Variants in MGAT4B observed in about 807,000 individuals in gnomAD.
MGAT4B encodes alpha-1,3-mannosyl-glycoprotein 4-beta-N-acetylglucosaminyltransferase B.
In MGAT4B, 38 loss-of-function variants were observed where a neutral mutation model predicts 73.9. The ratio of observed to expected loss-of-function variants is 0.51; its 90% CI spans 0.40 to 0.67. The LOEUF is 0.67. Among genes scored for constraint, MGAT4B ranks in the 30% least tolerant of loss-of-function variants. MGAT4B has a pLI of 0.00. For synonymous variants in MGAT4B, 373 were observed against 313.5 expected (o/e 1.19, Z -2.01); for missense variants, 686 against 735.2 (o/e 0.93, Z 0.77).
chr5:179,798,841 A>C, intron 11 of MGAT4B, 87 bp downstream of exon 11: 1 of 1,483,008 alleles, frequency 6.7e-7, no homozygotes, highest in South Asian at 1.2e-5. Flanking sequence ...GAAACTGAAG[A>C]ACGTGAGGAT....
intron 5 of MGAT4B, 47 bp downstream of exon 5, chr5:179,800,860 G>A (rs374535821): frequency 1.9e-5 from 30 of 1,596,222 alleles, no homozygotes; most frequent in Middle Eastern, 1.7e-4. Context: ...ACAACACCCC[G>A]CACCGAGCTC....
At chr5:179,803,193 C>T in intron 1 of MGAT4B, 1 of 985,354 alleles carries the variant, frequency 1.0e-6, no homozygotes, top group Non-Finnish European at 1.2e-6. Context: ...GGTAGATCTT[C>T]CCTGAGGCAT....
At position 179,797,941 on chromosome 5, in the gene MGAT4B, C is replaced by T. The variant is rs1176290935; in HGVS notation, c.*104G>A. 1 of 1,478,496 alleles carries T rather than the reference C, an allele frequency of 6.8e-7. No homozygotes were observed. Among genetic ancestry groups the T allele is most frequent in the Non-Finnish European group, 9.2e-7 (1 of 1,083,860 alleles). 91.6% of individuals were successfully genotyped at this position (1,478,496 alleles called of 1,614,324 possible). ...GCCCAAGCCCGACGCCAGGCAGAAC[C>T]CTTTGGGCGGGGCCGTATCTGGCCC... On this transcript the variant is annotated 3_prime_UTR_variant, in exon 15 of 15. Transcript: ENST00000292591.
intron 1 of MGAT4B, chr5:179,802,189 C>T (rs1756976898): frequency 2.0e-6 from 3 of 1,491,398 alleles, no homozygotes; most frequent in Non-Finnish European, 2.7e-6. Context: ...TCTTCCAGTA[C>T]TCTCCCCCAC....
At chr5:179,803,281 T>C (rs1757023059) in intron 1 of MGAT4B, 5 of 985,260 alleles carry the variant, frequency 5.1e-6, no homozygotes, top group Non-Finnish European at 6.0e-6. Flanking sequence ...GCGGAGCCTC[T>C]GGACAGCCCC....
At chr5:179,802,091 T>G (rs1756972882) in intron 1 of MGAT4B, 122 bp from the exon 2 acceptor site, 7 of 1,571,348 alleles carry the variant, frequency 4.5e-6, no homozygotes, top group Non-Finnish European at 6.1e-6. Context: ...CATCTGTTCT[T>G]GTGCCTGCCA....
At position 179,806,563 on chromosome 5, in the gene MGAT4B, G is replaced by A. The variant is rs747689541; in HGVS notation, c.21C>T (p.Thr7=). Residue 7 remains threonine (T), a synonymous_variant, in exon 1 of 15, where the codon ACC becomes ACT. Coordinates refer to ENST00000292591, the MANE Select transcript of MGAT4B (RefSeq NM_014275.5). This position sits in a 1 kb window ranked among gnomAD's most constrained non-coding sequence, Gnocchi z 4.6. MRLRNG[T]FLTLLLFCLC... is the part of the protein sequence containing the mutation. ...GGCAGAAGAGCAGCAGCGTCAGGAA[G>A]GTGCCATTGCGGAGCCTCATCTCCT... is the stretch of plus-strand genomic sequence containing the variant. The A allele has an allele frequency of 7.3e-5, 95 of 1,304,838 alleles. No individual in the cohort carries two copies. The highest frequency in any genetic ancestry group is 9.0e-5 in the Non-Finnish European group (90 of 999,818). 80.8% of individuals were successfully genotyped at this position (1,304,838 alleles called of 1,614,324 possible).
At chr5:179,805,745 G>A (rs1238851941) in intron 1 of MGAT4B, among the ~76,000 whole-genome samples, 1 of 152,362 alleles carries the variant, frequency 6.6e-6, no homozygotes, top group Admixed American at 6.5e-5. Flanking sequence ...CCACTCTCCC[G>A]GAACCTCCAG....
Position 179,797,755 on chromosome 5 carries a change from C to T in MGAT4B, c.*290G>A. Reference sequence around the variant, plus strand: ...GTTCGCGCCAGAGACGGCGGGCGCCCAAGTAAAAGCTCTTCTAAAACGGCC... The same window carrying T: ...GTTCGCGCCAGAGACGGCGGGCGCCTAAGTAAAAGCTCTTCTAAAACGGCC... On this transcript the variant is annotated 3_prime_UTR_variant, in exon 15 of 15. Transcript: ENST00000292591. 1 of 397,128 alleles carries T rather than the reference C, an allele frequency of 2.5e-6. No homozygotes were observed. Among genetic ancestry groups the T allele is most frequent in the Non-Finnish European group, 4.5e-6 (1 of 222,468 alleles). 24.6% of individuals were successfully genotyped at this position (397,128 alleles called of 1,614,324 possible). A position where few individuals can be genotyped will look rare whatever the true frequency, so the allele number is the denominator to read the frequency against.
Position 179,801,557 on chromosome 5 carries a change from C to G in MGAT4B, c.421G>C (p.Gly141Arg), listed in dbSNP as rs1421420579. ...PAVRVGQGRTGVSVVMGIPSV... is the reference protein window; with the variant it reads ...PAVRVGQGRTRVSVVMGIPSV... ...TCCTCCCTGTCTGCGCCCATACCTC[C>G]GGTGCGGCCCTGGCCCACGCGCACC... The change falls in exon 3 of 15, where the codon GGA becomes CGA. Residue 141 changes from glycine to arginine, a missense_variant. Around this residue, in one of 2 missense-constraint regions of MGAT4B, gnomAD observed 237 missense variants for 198.5 expected, o/e 1.19. Transcript: ENST00000292591. This position sits in a 1 kb window ranked among gnomAD's most constrained non-coding sequence, Gnocchi z 4.8. The G allele has an allele frequency of 6.2e-7, 1 of 1,608,536 alleles. No individual in the cohort carries two copies. Among genetic ancestry groups the G allele is most frequent in the East Asian group, 2.2e-5 (1 of 44,674 alleles).
intron 9 of MGAT4B, 31 bp downstream of exon 9, chr5:179,799,475 G>A (rs1191153234): frequency 1.9e-6 from 3 of 1,612,892 alleles, no homozygotes; most frequent in Admixed American, 3.3e-5. Flanking sequence ...CCTTGGCCCT[G>A]CCCCTGCCAG....
Position 179,799,955 on chromosome 5 carries a change from A to T in MGAT4B, c.909T>A (p.Ile303=), listed in dbSNP as rs780451017. Residue 303 remains isoleucine (I), a splice_region_variant and synonymous_variant, in exon 8 of 15, where the codon ATT becomes ATA. Coordinates refer to ENST00000292591, the MANE Select transcript of MGAT4B (RefSeq NM_014275.5). The part of the protein sequence containing the change: ...MILEFSQLGF[I]GKMFKSLDLS... ...CGTCAGGTAAGGGGAGGGGCACACCAATGAAGCCCAGCTGGGAGAACTCCA... is the reference window on the plus strand; with the variant it reads ...CGTCAGGTAAGGGGAGGGGCACACCTATGAAGCCCAGCTGGGAGAACTCCA... The T allele has an allele frequency of 6.2e-7, 1 of 1,611,564 alleles. No homozygotes were observed. The highest frequency in any genetic ancestry group is 2.2e-5 in the East Asian group (1 of 44,868).
At chr5:179,799,801 A>G in intron 8 of MGAT4B, 153 bp downstream of exon 8, 1 of 1,247,182 alleles carries the variant, frequency 8.0e-7, no homozygotes, top group Non-Finnish European at 1.1e-6. Context: ...TCTGATGCAC[A>G]GGCAATGAGA....
chr5:179,802,464 C>T (rs1756987422), intron 1 of MGAT4B: 2 of 1,042,084 alleles, frequency 1.9e-6, no homozygotes, highest in South Asian at 4.0e-5. Flanking sequence ...ACGATGGCCC[C>T]GGGGGGTGGC....
chr5:179,800,772 AC>A, intron 5 of MGAT4B, 134 bp downstream of exon 5: 3 of 1,019,330 alleles, frequency 2.9e-6, no homozygotes. Flanking sequence ...CTGCACACCC[AC>A]CCCTCCCCCA....
At chr5:179,799,846 C>A in intron 8 of MGAT4B, 108 bp downstream of exon 8, 1 of 1,282,440 alleles carries the variant, frequency 7.8e-7, no homozygotes, top group South Asian at 1.3e-5. Context: ...GCACACCAGG[C>A]AGGGCCCACC....
intron 7 of MGAT4B, 54 bp downstream of exon 7, chr5:179,800,130 C>G (rs919809791): frequency 1.1e-5 from 18 of 1,606,688 alleles, no homozygotes; most frequent in Admixed American, 1.7e-5. Context: ...CCAGACCCAT[C>G]GCAGGGCAGG....
chr5:179,798,095 AG>A lies in MGAT4B; in HGVS notation c.1624-28del, dbSNP rs993360746. ...TGGAAGAGCCGGACCCAGGGTCAGC[AG>A]GGCCTCTGAGCTCCGCCAGGGTCTC... On this transcript the variant is annotated intron_variant, in intron 14 of 14. Transcript: ENST00000292591. 8.1e-6 allele frequency: 13 copies of A among 1,606,882 alleles called. No homozygotes were observed. The Middle Eastern group carries it at 4.9e-4, about 61-fold the overall frequency.
rs141728243 is a variant in MGAT4B, at chr5:179,805,545, G to A, written c.97+942C>T. Among the ~76,000 whole-genome samples the A allele has an allele frequency of 3.6e-3, 549 of 152,366 alleles. 4 individuals carry two copies. The highest frequency in any genetic ancestry group is 0.012 in the African/African-American group (492 of 41,594). On this transcript the variant is annotated intron_variant, in intron 1 of 14. Transcript: ENST00000292591. ...GGCAGAACAAGTGCGGCAGGCGGGCGTGCTGGCAGAGCTCGGCGTGGGTAG... is the reference window on the plus strand; with the variant it reads ...GGCAGAACAAGTGCGGCAGGCGGGCATGCTGGCAGAGCTCGGCGTGGGTAG...
Sources: gnomAD v4.1 joint callset for allele counts (sites outside exome capture counted in the v4.1 genomes callset) on GRCh38, gnomAD v4.1.1 for gene constraint, gnomAD v4.1.1 regional missense constraint, Gnocchi (gnomAD v3.1) non-coding constraint, MANE v1.5 for transcripts, NCBI Gene and HGNC (gene_info 2026-07-23, HGNC 2026-07-21) for gene names.